The following FTCDNL1 variants were observed in gnomAD, a reference collection of about 807,000 sequenced individuals.
FTCDNL1 encodes the protein formiminotransferase N-terminal subdomain-containing protein.
FTCDNL1 carries 11 observed loss-of-function variants against 5.9 expected under a neutral mutation model. The observed-to-expected ratio is 1.87, with a 90% confidence interval of 1.18 to 3.10. The LOEUF (loss-of-function observed/expected upper bound fraction) is 3.10, where lower values mean the gene tolerates loss of function less well. Among genes scored for constraint, FTCDNL1 ranks in the 30% most tolerant of loss-of-function variants. The pLI, the probability that FTCDNL1 is intolerant of heterozygous loss-of-function variation, is 0.00. For synonymous variants in FTCDNL1, 58 were observed against 24.8 expected, an observed-to-expected ratio of 2.34 and a Z score of -3.99; for missense variants, 115 against 65.5, an observed-to-expected ratio of 1.76 and a Z score of -2.61.
At chr2:199,757,812 T>A (rs76805211), downstream of FTCDNL1, among the ~76,000 whole-genome samples, 1 of 152,224 alleles carries the variant, frequency 6.6e-6, no homozygotes, top group South Asian at 2.1e-4. Context: ...TTTTCTTTAA[T>A]GTTTATAATA....
chr2:199,828,921 T>C (rs946121190), intron 3 of FTCDNL1, among the ~76,000 whole-genome samples: 1 of 152,196 alleles, frequency 6.6e-6, no homozygotes. Context: ...AGTGAGAACA[T>C]ATTGTATTCC....
chr2:199,735,515 T>C, the FTCDNL1 span, among the ~76,000 whole-genome samples: 2 of 152,332 alleles, frequency 1.3e-5, no homozygotes, highest in Admixed American at 1.3e-4. Context: ...CTTAAATTAG[T>C]ACGGGGTCCT....
At chr2:199,730,437 T>A in the FTCDNL1 span, among the ~76,000 whole-genome samples, 134,797 of 152,194 alleles carry the variant, frequency 0.89, 60,033 homozygotes, top group East Asian at 1. Flanking sequence ...TTTGCAATCT[T>A]TCCACCTGAC....
chr2:199,780,604 CA>C (rs1212188936), intron 3 of FTCDNL1, among the ~76,000 whole-genome samples: 1 of 152,192 alleles, frequency 6.6e-6, no homozygotes, highest in Non-Finnish European at 1.5e-5. Flanking sequence ...TTACCTAATC[CA>C]GGTTCCCTTT....
Position 199,811,092 on chromosome 2 carries a change from T to C in FTCDNL1, c.*1613A>G, listed in dbSNP as rs1701011287. On this transcript the variant is annotated 3_prime_UTR_variant, in exon 5 of 5. Coordinates refer to ENST00000420128, the MANE Select transcript of FTCDNL1 (RefSeq NM_001363886.2). ...AGGCTGGGCCTCTTCCTCCTGGGAA[T>C]TCTGCAGGAATGAATCAGATTACAG... Among the ~76,000 whole-genome samples, 1 of 152,228 alleles carries C rather than the reference T, an allele frequency of 6.6e-6. No homozygotes were observed. The highest frequency in any genetic ancestry group is 2.4e-5 in the African/African-American group (1 of 41,452).
At chr2:199,801,693 G>C (rs1468406164) in intron 3 of FTCDNL1, among the ~76,000 whole-genome samples, 2 of 151,850 alleles carry the variant, frequency 1.3e-5, no homozygotes, top group Non-Finnish European at 2.9e-5. Flanking sequence ...GCTCACGCCT[G>C]TAATCCCAGC....
chr2:199,846,388 C>T (rs1278214516), intron 2 of FTCDNL1, among the ~76,000 whole-genome samples: 1 of 152,178 alleles, frequency 6.6e-6, no homozygotes, highest in African/African-American at 2.4e-5. Flanking sequence ...CAGACACAAG[C>T]TTTTGATGTC....
At chr2:199,812,867 T>C in intron 4 of FTCDNL1, 143 bp from the exon 5 acceptor site, 1 of 592,416 alleles carries the variant, frequency 1.7e-6, no homozygotes, top group East Asian at 2.8e-5. Context: ...ATTCAGTCGC[T>C]ATTATTTCAC....
the FTCDNL1 span, among the ~76,000 whole-genome samples, chr2:199,753,096 C>T: frequency 0.021 from 3,194 of 152,190 alleles, 41 homozygotes; most frequent in Non-Finnish European, 0.028. Context: ...TTGAAGCTTA[C>T]GCTCTAGTGA....
intron 3 of FTCDNL1, among the ~76,000 whole-genome samples, chr2:199,781,734 A>G (rs1699370957): frequency 6.6e-6 from 1 of 152,012 alleles, no homozygotes; most frequent in Admixed American, 6.6e-5. Flanking sequence ...ACAAAATGTC[A>G]CATACCATGT....
chr2:199,822,840 C>A (rs1038319174), intron 3 of FTCDNL1, among the ~76,000 whole-genome samples: 1 of 151,978 alleles, frequency 6.6e-6, no homozygotes, highest in Non-Finnish European at 1.5e-5. Flanking sequence ...CTCATCCGTT[C>A]TAGTTGTTGG....
At chr2:199,831,206 G>T (rs1200107724) in intron 3 of FTCDNL1, among the ~76,000 whole-genome samples, 1 of 152,106 alleles carries the variant, frequency 6.6e-6, no homozygotes, top group Non-Finnish European at 1.5e-5. Context: ...AAAATGCAAA[G>T]AAAAAACTTA....
chr2:199,760,866 T>C, intron 3 of FTCDNL1: 1 of 702,252 alleles, frequency 1.4e-6, no homozygotes, highest in Non-Finnish European at 2.6e-6. Flanking sequence ...GATTAGTATT[T>C]GGAAGAGAAA....
downstream of FTCDNL1, among the ~76,000 whole-genome samples, chr2:199,808,430 T>C (rs1293085013): frequency 6.6e-6 from 1 of 152,272 alleles, no homozygotes; most frequent in Non-Finnish European, 1.5e-5. Flanking sequence ...TTTGCCACTT[T>C]AGCCATTTTT....
At chr2:199,667,498 A>AACAACAAACAAACAAACAG in the FTCDNL1 span, among the ~76,000 whole-genome samples, 1 of 151,906 alleles carries the variant, frequency 6.6e-6, no homozygotes, top group South Asian at 2.1e-4. Flanking sequence ...CAAACAAACA[A>AACAACAAACAAACAAACAG]AAAACAACAA....
At position 199,797,690 on chromosome 2, in the gene FTCDNL1, T is replaced by C. The variant is rs535997454; in HGVS notation, c.212-36855A>G. On this transcript the variant is annotated intron_variant, in intron 3 of 3. Transcript: ENST00000416668. ...TTTTCCAAAACATAAATTCTGCATTTCAAGTGTTTGAGAGATTCAGCTAAG... is the reference window on the plus strand; with the variant it reads ...TTTTCCAAAACATAAATTCTGCATTCCAAGTGTTTGAGAGATTCAGCTAAG... 3.3e-5 allele frequency among the ~76,000 whole-genome samples: 5 copies of C among 152,316 alleles called. No homozygotes were observed. In the East Asian group the frequency reaches 9.7e-4, roughly 29 times the overall value.
the FTCDNL1 span, among the ~76,000 whole-genome samples, chr2:199,707,816 T>C: frequency 6.6e-6 from 1 of 152,268 alleles, no homozygotes; most frequent in East Asian, 1.9e-4. Context: ...CAGTAATTTA[T>C]GTCTTTGTTC....
chr2:199,750,942 T>A, the FTCDNL1 span, among the ~76,000 whole-genome samples: 1 of 152,380 alleles, frequency 6.6e-6, no homozygotes, highest in Non-Finnish European at 1.5e-5. Context: ...AAAGCAATAA[T>A]TGTTCCTTTT....
intron 3 of FTCDNL1, 92 bp downstream of exon 3, chr2:199,845,974 GAGTATTCAT>G (rs2076722345): frequency 3.7e-6 from 2 of 546,070 alleles, no homozygotes; most frequent in South Asian, 5.6e-5. Context: ...TAATAGAGGG[GAGTATTCAT>G]ATTTACAGAG....
Sources: allele counts gnomAD v4.1 joint callset (sites outside exome capture counted in the v4.1 genomes callset), GRCh38; gene constraint gnomAD v4.1.1; transcripts MANE v1.5; gene names NCBI Gene and HGNC (gene_info 2026-07-23, HGNC 2026-07-21).